The following RIMS2 variants were observed in gnomAD, a reference collection of about 807,000 sequenced individuals.
The protein encoded by RIMS2 is regulating synaptic membrane exocytosis protein 2.
In RIMS2, 59 loss-of-function variants were observed where a neutral mutation model predicts 174.4. The observed-to-expected ratio is 0.34, with a 90% confidence interval of 0.27 to 0.42. The LOEUF (loss-of-function observed/expected upper bound fraction) is 0.42. RIMS2 is among the 10% of genes least tolerant of loss of function. The pLI is 1.00. For synonymous variants in RIMS2, 606 were observed against 572.5 expected, an observed-to-expected ratio of 1.06 and a Z score of -0.84; for missense variants, 1,620 against 1,666.3, an observed-to-expected ratio of 0.97 and a Z score of 0.48.
Position 103,762,192 on chromosome 8 carries a change from A to G in RIMS2, c.388-4035A>G, listed in dbSNP as rs529268929. Among the ~76,000 whole-genome samples the G allele has an allele frequency of 5.3e-5, 8 of 152,120 alleles. No homozygotes were observed. The East Asian group carries it at 1.5e-3, about 29-fold the overall frequency. ...TGGAAGTAAGTGACAAATTTGGGTC[A>G]TTAGAGATTATTCCATCTCTTAATA... On this transcript the variant is annotated intron_variant, in intron 2 of 23. Transcript: ENST00000504942.
At chr8:103,846,079 T>C (rs2098966479) in intron 3 of RIMS2, among the ~76,000 whole-genome samples, 1 of 152,112 alleles carries the variant, frequency 6.6e-6, no homozygotes, top group African/African-American at 2.4e-5. Context: ...TCTGCCCAAT[T>C]GACTGGCTGT....
intron 19 of RIMS2, among the ~76,000 whole-genome samples, chr8:104,021,240 TATTA>T (rs1221625286): frequency 2.0e-5 from 3 of 152,246 alleles, no homozygotes; most frequent in South Asian, 2.1e-4. Context: ...TACTGCGAAG[TATTA>T]ATTATTCTTT....
chr8:103,594,491 G>T (rs1275960983), intron 1 of RIMS2, among the ~76,000 whole-genome samples: 4 of 151,630 alleles, frequency 2.6e-5, no homozygotes, highest in Non-Finnish European at 5.9e-5. Flanking sequence ...GAGTTGATTG[G>T]TTGATGAAAA....
At chr8:103,599,770 T>C (rs1458708667) in intron 1 of RIMS2, among the ~76,000 whole-genome samples, 3 of 152,026 alleles carry the variant, frequency 2.0e-5, no homozygotes, top group African/African-American at 7.3e-5. Flanking sequence ...TTTTAATTTT[T>C]GTGCATACAT....
At chr8:103,783,267 CT>C (rs58402080) in intron 3 of RIMS2, among the ~76,000 whole-genome samples, 3,388 of 140,840 alleles carry the variant, frequency 0.024, 48 homozygotes, top group East Asian at 0.091. Context: ...TTTTTCTTTT[CT>C]TTTTTTTTTT....
intron 19 of RIMS2, among the ~76,000 whole-genome samples, chr8:104,168,547 G>C (rs890871284): frequency 6.6e-6 from 1 of 152,108 alleles, no homozygotes; most frequent in African/African-American, 2.4e-5. Context: ...TTGTTTATCA[G>C]ATCTAGGAGC....
At chr8:104,040,136 T>C (rs996691578) in intron 19 of RIMS2, among the ~76,000 whole-genome samples, 1 of 151,786 alleles carries the variant, frequency 6.6e-6, no homozygotes, top group Non-Finnish European at 1.5e-5. Flanking sequence ...AAATTTGTCA[T>C]AGGAAATCAT....
At chr8:103,860,739 G>A (rs147057872) in intron 3 of RIMS2, among the ~76,000 whole-genome samples, 1 of 151,916 alleles carries the variant, frequency 6.6e-6, no homozygotes, top group African/African-American at 2.4e-5. Flanking sequence ...CTAGGGTCAA[G>A]TAAGGGAAAC....
Position 103,525,567 on chromosome 8 carries a change from G to A in RIMS2, c.176+24505G>A, listed in dbSNP as rs553396304. On this transcript the variant is annotated intron_variant, in intron 1 of 23. Coordinates refer to ENST00000504942, the Ensembl canonical transcript of RIMS2. ...CAGAGGAGGGTATGGCACCTTGATTGACATCAAGACTATATTCAATAATTG... is the reference window on the plus strand; with the variant it reads ...CAGAGGAGGGTATGGCACCTTGATTAACATCAAGACTATATTCAATAATTG... Among the ~76,000 whole-genome samples the A allele has an allele frequency of 8.2e-4, 125 of 152,206 alleles. 2 individuals are homozygous for A. The highest frequency in any genetic ancestry group is 2.8e-3 in the African/African-American group (118 of 41,520).
At chr8:104,176,104 C>T (rs2098890949) in intron 19 of RIMS2, among the ~76,000 whole-genome samples, 1 of 152,102 alleles carries the variant, frequency 6.6e-6, no homozygotes, top group African/African-American at 2.4e-5. Flanking sequence ...TTCCTCACAC[C>T]ATTGTTTCAC....
chr8:103,875,092 G>C (rs2099129625), intron 3 of RIMS2, among the ~76,000 whole-genome samples: 1 of 152,026 alleles, frequency 6.6e-6, no homozygotes, highest in Non-Finnish European at 1.5e-5. Flanking sequence ...TTTACTTCAA[G>C]AGCAGAATTA....
chr8:104,159,779 G>GTTAATCA (rs1183016955), intron 19 of RIMS2, among the ~76,000 whole-genome samples: 4 of 152,028 alleles, frequency 2.6e-5, no homozygotes, highest in Non-Finnish European at 4.4e-5. Context: ...AGGTTCCAGG[G>GTTAATCA]GGTTTTTGTT....
intron 2 of RIMS2, among the ~76,000 whole-genome samples, chr8:103,745,148 TC>T (rs2097796270): frequency 1.3e-5 from 2 of 152,154 alleles, no homozygotes; most frequent in African/African-American, 4.8e-5. Flanking sequence ...ATCACTATCT[TC>T]CCAAAAAACC....
intron 1 of RIMS2, among the ~76,000 whole-genome samples, chr8:103,584,106 A>G (rs1405681713): frequency 1.3e-5 from 2 of 152,228 alleles, no homozygotes; most frequent in Admixed American, 1.3e-4. Flanking sequence ...AAAATAAACA[A>G]ATAACATAAA....
intron 4 of RIMS2, among the ~76,000 whole-genome samples, chr8:103,900,768 T>A (rs1416866684): frequency 1.3e-5 from 2 of 152,118 alleles, no homozygotes; most frequent in Non-Finnish European, 2.9e-5. Context: ...CTTTCCATGA[T>A]GTTAGAGTTC....
rs140465574 is a variant in RIMS2, at chr8:103,662,926, T to A, written c.177-34160T>A. On this transcript the variant is annotated intron_variant, in intron 1 of 23. Coordinates refer to ENST00000504942, the Ensembl canonical transcript of RIMS2. ...TTGCTCACGCCTGTAATCCTAGCAC[T>A]TTGGGAGGCCCAGGCAGGCGAATCA... 4.2e-3 allele frequency among the ~76,000 whole-genome samples: 642 copies of A among 152,280 alleles called. 4 individuals carry two copies. The highest frequency in any genetic ancestry group is 0.015 in the African/African-American group (611 of 41,546).
chr8:104,093,494 T>C (rs1394558580), intron 19 of RIMS2: 12 of 1,596,860 alleles, frequency 7.5e-6, no homozygotes, highest in African/African-American at 5.3e-5. Flanking sequence ...GGGATCCTCA[T>C]AGAGGGGCAG....
intron 1 of RIMS2, among the ~76,000 whole-genome samples, chr8:103,534,866 C>G (rs1355176974): frequency 6.6e-6 from 1 of 152,282 alleles, no homozygotes; most frequent in South Asian, 2.1e-4. Context: ...ACTTACAAAG[C>G]CTTATTTACT....
chr8:103,992,230 T>C (rs1030134246), intron 17 of RIMS2, among the ~76,000 whole-genome samples: 1 of 148,164 alleles, frequency 6.7e-6, no homozygotes, highest in Non-Finnish European at 1.5e-5. Flanking sequence ...TGCCTCAGCC[T>C]CCAAAATAGC....
Sources: allele counts gnomAD v4.1 joint callset (sites outside exome capture counted in the v4.1 genomes callset), GRCh38; gene constraint gnomAD v4.1.1; transcripts MANE v1.5; gene names NCBI Gene and HGNC (gene_info 2026-07-23, HGNC 2026-07-21).